DYNC2LI1: variants seen among roughly 807,000 people sequenced by gnomAD.
DYNC2LI1 encodes dynein cytoplasmic 2 light intermediate chain 1, also known as cytoplasmic dynein 2 light intermediate chain 1.
A neutral mutation model predicts 51.9 loss-of-function variants in DYNC2LI1; 45 were observed. The ratio of observed to expected loss-of-function variants is 0.87; its 90% confidence interval spans 0.68 to 1.11. The LOEUF is 1.11. Ranked by LOEUF, DYNC2LI1 falls within the 50% of genes most tolerant of loss-of-function variation. The probability of loss-of-function intolerance (pLI) is 0.00; values close to 1 mark genes in which losing one functional copy is unlikely to be tolerated. For synonymous variants in DYNC2LI1, 130 were observed against 137.8 expected (o/e 0.94, Z 0.40); for missense variants, 490 against 417.4 (o/e 1.17, Z -1.51).
At chr2:43,808,428 A>C (rs966292454) in intron 12 of DYNC2LI1, among the ~76,000 whole-genome samples, 6 of 152,208 alleles carry the variant, frequency 3.9e-5, no homozygotes, top group African/African-American at 1.4e-4. Flanking sequence ...TGTGAACTTC[A>C]GTTATGTTAG....
chr2:43,790,509 T>C (rs1673730073), intron 5 of DYNC2LI1, among the ~76,000 whole-genome samples: 2 of 152,234 alleles, frequency 1.3e-5, no homozygotes, highest in South Asian at 2.1e-4. Context: ...GTTGTTTTTC[T>C]AGAACTGGCT....
chr2:43,809,822 A>G lies in DYNC2LI1; in HGVS notation c.*55A>G, dbSNP rs1572729298. ...TTCTTTTCCAAATACAAATAAGATT[A>G]TACTGTGAATTAACTATTGTGGCAA... is the stretch of plus-strand genomic sequence containing the variant. On this transcript the variant is annotated 3_prime_UTR_variant, in exon 13 of 13. Coordinates refer to ENST00000260605, the MANE Select transcript of DYNC2LI1 (RefSeq NM_016008.4). 1.0e-5 allele frequency: 16 copies of G among 1,548,852 alleles called. No individual in the cohort carries two copies. In the Middle Eastern group the frequency reaches 6.5e-4, roughly 63 times the overall value.
intron 3 of DYNC2LI1, 57 bp from the exon 4 acceptor site, chr2:43,787,124 T>C: frequency 7.2e-7 from 1 of 1,397,062 alleles, no homozygotes; most frequent in South Asian, 1.2e-5. Flanking sequence ...GGTAAGGTGA[T>C]AGCATAAGAA....
At chr2:43,820,142 T>C in the DYNC2LI1 span, 4 of 1,588,734 alleles carry the variant, frequency 2.5e-6, no homozygotes, top group Non-Finnish European at 2.6e-6. Flanking sequence ...CCAAGGGCTA[T>C]CATTTAAGAA....
intron 4 of DYNC2LI1, 30 bp downstream of exon 4, chr2:43,787,280 G>A: frequency 6.5e-7 from 1 of 1,541,632 alleles, no homozygotes. Context: ...ACATTGCTAT[G>A]CCCATAGATG....
the DYNC2LI1 span, chr2:43,824,700 T>G: frequency 2.1e-6 from 2 of 940,604 alleles, no homozygotes; most frequent in Non-Finnish European, 1.3e-6. Context: ...TTGAGAGAGA[T>G]CCCTGACCTC....
chr2:43,817,417 G>A, the DYNC2LI1 span, among the ~76,000 whole-genome samples: 12 of 152,166 alleles, frequency 7.9e-5, no homozygotes, highest in South Asian at 2.1e-3. Flanking sequence ...CCTGAGAGAC[G>A]GAGGTTGCAG....
chr2:43,823,875 G>A, the DYNC2LI1 span: 1 of 1,604,972 alleles, frequency 6.2e-7, no homozygotes, highest in Non-Finnish European at 8.5e-7. Flanking sequence ...GAGGTATTTA[G>A]GGAGAAAGAG....
At chr2:43,790,292 G>C (rs1254806919) in intron 5 of DYNC2LI1, among the ~76,000 whole-genome samples, 4 of 152,218 alleles carry the variant, frequency 2.6e-5, no homozygotes, top group Non-Finnish European at 1.5e-5. Flanking sequence ...GGCCAAATAT[G>C]TGGAAAATTG....
Position 43,776,888 on chromosome 2 carries a change from A to T in DYNC2LI1, c.115A>T (p.Ser39Cys), listed in dbSNP as rs576199283. The T allele has an allele frequency of 6.5e-6, 10 of 1,536,118 alleles. No individual in the cohort carries two copies. The highest frequency in any genetic ancestry group is 7.2e-6 in the Non-Finnish European group (8 of 1,114,948). ...AGAAAAATTTGTTTTCTTCATTGGC[A>T]GTAAAAATGGGGTAATGCTTTCTTT... ...IAEKFVFFIG[S>C]KNGGKTTIIL... Residue 39 changes from serine (S) to cysteine (C), a missense_variant, in exon 2 of 13, where the codon AGT becomes TGT. Transcript: ENST00000260605.
intron 8 of DYNC2LI1, 118 bp downstream of exon 8, chr2:43,796,913 C>A: frequency 1.3e-6 from 1 of 744,552 alleles, no homozygotes; most frequent in Non-Finnish European, 2.3e-6. Context: ...GGTCCCGTTG[C>A]TTTCCCACTG....
At chr2:43,822,443 G>T in the DYNC2LI1 span, 2 of 885,610 alleles carry the variant, frequency 2.3e-6, no homozygotes, top group Non-Finnish European at 2.7e-6. Context: ...CTGTTTTAAG[G>T]TTTTACATTC....
intron 7 of DYNC2LI1, 107 bp from the exon 8 acceptor site, chr2:43,796,611 G>A (rs1361003471): frequency 3.8e-6 from 3 of 789,180 alleles, no homozygotes; most frequent in South Asian, 1.8e-5. Context: ...ATTCCTGAAA[G>A]TGAGTTTAAA....
the DYNC2LI1 span, chr2:43,826,453 G>C: frequency 6.2e-7 from 1 of 1,614,170 alleles, no homozygotes; most frequent in Non-Finnish European, 8.5e-7. Context: ...AGTTCCACCA[G>C]GAGGACGACA....
chr2:43,808,551 T>TTAGG (rs1666356315), intron 12 of DYNC2LI1, among the ~76,000 whole-genome samples: 1 of 152,210 alleles, frequency 6.6e-6, no homozygotes, highest in African/African-American at 2.4e-5. Context: ...CCAAGAGGCA[T>TTAGG]CCCCTTAGAT....
intron 12 of DYNC2LI1, among the ~76,000 whole-genome samples, chr2:43,809,415 G>C (rs1244019789): frequency 6.6e-6 from 1 of 152,192 alleles, no homozygotes; most frequent in African/African-American, 2.4e-5. Context: ...TAGTTCATTA[G>C]TTGAAAGACA....
Position 43,774,131 on chromosome 2 carries a change from C to G in DYNC2LI1, c.-8C>G. Reference sequence around the variant, plus strand: ...CCTGTGACGTTTGCGGCAGCCAGGCCGTCGACGATGCCCAGGTATTCCCTG... The same window carrying G: ...CCTGTGACGTTTGCGGCAGCCAGGCGGTCGACGATGCCCAGGTATTCCCTG... On this transcript the variant is annotated 5_prime_UTR_variant, in exon 1 of 13. Transcript: ENST00000260605. 6.2e-7 allele frequency: 1 copy of G among 1,613,932 alleles called. No homozygotes were observed. Among genetic ancestry groups the G allele is most frequent in the South Asian group, 1.1e-5 (1 of 91,020 alleles).
chr2:43,781,605 TTC>T lies in DYNC2LI1; in HGVS notation c.127-1913_127-1912del, dbSNP rs201842755. On this transcript the variant is annotated intron_variant, in intron 2 of 12. Transcript: ENST00000260605. Reference sequence around the variant, plus strand: ...AAATTAGAAAATCCTGATTTTCTTTTTCTTTTTTTTTTTTTGAGACAGAGTCT... The same window carrying T: ...AAATTAGAAAATCCTGATTTTCTTTTTTTTTTTTTTTTTGAGACAGAGTCT... 195 of 127,984 alleles carry T rather than the reference TTC, an allele frequency of 1.5e-3. 4 individuals are homozygous for T. Among genetic ancestry groups the T allele is most frequent in the Admixed American group, 2.0e-3 (24 of 12,076 alleles). The allele number at this position is 127,984 out of a possible 1,614,324, so 7.9% of individuals were successfully genotyped here.
chr2:43,784,792 A>C (rs560984046), intron 3 of DYNC2LI1, among the ~76,000 whole-genome samples: 1 of 152,148 alleles, frequency 6.6e-6, no homozygotes, highest in Non-Finnish European at 1.5e-5. Context: ...TAATTTTCTA[A>C]AATATAGGTT....
Sources: gnomAD v4.1 joint callset for allele counts (sites outside exome capture counted in the v4.1 genomes callset) on GRCh38, gnomAD v4.1.1 for gene constraint, MANE v1.5 for transcripts, NCBI Gene and HGNC (gene_info 2026-07-23, HGNC 2026-07-21) for gene names.